Variants in ADGRL3 observed in about 807,000 individuals in gnomAD.
ADGRL3 encodes the protein adhesion G protein-coupled receptor L3, also known as calcium-independent alpha-latrotoxin receptor 3.
A neutral mutation model predicts 153.5 loss-of-function variants in ADGRL3; 62 were observed. That is an observed-to-expected ratio of 0.40 (90% confidence interval 0.33 to 0.50). The LOEUF (loss-of-function observed/expected upper bound fraction) is 0.50. Ranked by LOEUF, ADGRL3 falls within the 20% of genes least tolerant of loss-of-function variation. The pLI is 0.47. For synonymous variants in ADGRL3, 710 were observed against 672.5 expected (o/e 1.06, Z -0.86); for missense variants, 1,641 against 1,859.4 (o/e 0.88, Z 2.16).
At chr4:61,392,701 A>AGAAAAAAAAAG (rs2096825826) in intron 2 of ADGRL3, among the ~76,000 whole-genome samples, 1 of 146,290 alleles carries the variant, frequency 6.8e-6, no homozygotes, top group African/African-American at 2.5e-5. Flanking sequence ...AAAAAAAAAA[A>AGAAAAAAAAAG]AAAAAGAAAA....
At chr4:61,718,650 C>G (rs1008874264) in intron 6 of ADGRL3, among the ~76,000 whole-genome samples, 3 of 152,102 alleles carry the variant, frequency 2.0e-5, no homozygotes, top group African/African-American at 7.2e-5. Context: ...ATATCAATCA[C>G]TTTTTGTTGT....
chr4:61,902,545 A>T (rs918236597), intron 11 of ADGRL3, among the ~76,000 whole-genome samples: 3 of 152,028 alleles, frequency 2.0e-5, no homozygotes, highest in African/African-American at 4.8e-5. Context: ...GTAATTCCCC[A>T]AATCTTCATC....
intron 1 of ADGRL3, among the ~76,000 whole-genome samples, chr4:61,233,798 G>C (rs1166371561): frequency 2.6e-5 from 4 of 152,014 alleles, no homozygotes; most frequent in Admixed American, 2.6e-4. Flanking sequence ...GGGCCTTGAT[G>C]GACCTAACCA....
intron 9 of ADGRL3, 62 bp from the exon 10 acceptor site, chr4:61,892,594 G>A: frequency 8.6e-7 from 1 of 1,167,366 alleles, no homozygotes; most frequent in South Asian, 1.2e-5. Flanking sequence ...AAAGTACTAG[G>A]ACATCTTGAG....
intron 1 of ADGRL3, among the ~76,000 whole-genome samples, chr4:61,214,615 CAGTT>C (rs1741758520): frequency 6.6e-6 from 1 of 152,096 alleles, no homozygotes; most frequent in Non-Finnish European, 1.5e-5. Flanking sequence ...GGTGTAACCT[CAGTT>C]AGAGATCTGT....
rs1407094789 is a variant in ADGRL3, at chr4:62,070,542, G to A, written c.4266G>A (p.Arg1422=). ...ENHQPHHYTR[R]RIPQDHSESF... ...ACCAGCCACACCATTATACCAGAAG[G>A]CGGATCCCCCAAGACCACAGTGAGA... The change falls in exon 27 of 27, where the codon AGG becomes AGA. Residue 1422 remains arginine (R), a synonymous_variant. Coordinates refer to ENST00000683033, the MANE Select transcript of ADGRL3 (RefSeq NM_001387552.1). The A allele has an allele frequency of 1.3e-6, 2 of 1,548,512 alleles. No individual in the cohort carries two copies. The highest frequency in any genetic ancestry group is 1.7e-6 in the Non-Finnish European group (2 of 1,146,524).
At chr4:61,890,589 C>T (rs1376548873) in intron 9 of ADGRL3, among the ~76,000 whole-genome samples, 1 of 152,128 alleles carries the variant, frequency 6.6e-6, no homozygotes, top group African/African-American at 2.4e-5. Flanking sequence ...AACCCATTTC[C>T]AAGATACCTA....
intron 1 of ADGRL3, among the ~76,000 whole-genome samples, chr4:61,262,908 A>T (rs562410311): frequency 6.6e-6 from 1 of 152,246 alleles, no homozygotes; most frequent in Non-Finnish European, 1.5e-5. Flanking sequence ...ATCTTTAAAA[A>T]TGTTTCTGGA....
At chr4:61,782,211 G>A (rs1424524070) in intron 8 of ADGRL3, among the ~76,000 whole-genome samples, 3 of 152,062 alleles carry the variant, frequency 2.0e-5, no homozygotes, top group African/African-American at 7.2e-5. Flanking sequence ...AATGTGCACA[G>A]CTTATTCTAC....
At position 61,822,550 on chromosome 4, in the gene ADGRL3, A is replaced by G. The variant is rs116532753; in HGVS notation, c.1480+8661A>G. ...AATGCTAAAATGTATTTGTTATTCA[A>G]TATTGTCAGGAATAAGTATGAGGGT... On this transcript the variant is annotated intron_variant, in intron 9 of 26. Coordinates refer to ENST00000683033, the MANE Select transcript of ADGRL3 (RefSeq NM_001387552.1). 6.3e-3 allele frequency among the ~76,000 whole-genome samples: 960 copies of G among 152,332 alleles called. 9 individuals carry two copies. Among genetic ancestry groups the G allele is most frequent in the African/African-American group, 0.022 (916 of 41,576 alleles).
At chr4:61,571,810 C>T (rs890021765) in intron 4 of ADGRL3, among the ~76,000 whole-genome samples, 2 of 152,054 alleles carry the variant, frequency 1.3e-5, no homozygotes, top group Non-Finnish European at 2.9e-5. Context: ...AGTTATTATC[C>T]TCATTTACTA....
intron 2 of ADGRL3, among the ~76,000 whole-genome samples, chr4:61,397,829 A>G (rs1001533704): frequency 6.6e-6 from 1 of 151,928 alleles, no homozygotes; most frequent in Non-Finnish European, 1.5e-5. Flanking sequence ...TTTAAATGAA[A>G]ATCTCTATTT....
chr4:61,571,418 C>T (rs867514692), intron 4 of ADGRL3, among the ~76,000 whole-genome samples: 17 of 152,148 alleles, frequency 1.1e-4, no homozygotes, highest in South Asian at 4.2e-4. Context: ...GAGGCTGAGA[C>T]GAGAGGATCG....
intron 22 of ADGRL3, among the ~76,000 whole-genome samples, chr4:62,029,987 T>A (rs1164725187): frequency 6.6e-6 from 1 of 151,616 alleles, no homozygotes; most frequent in Non-Finnish European, 1.5e-5. Flanking sequence ...GTAATTCATA[T>A]AAGCAAACAT....
intron 9 of ADGRL3, among the ~76,000 whole-genome samples, chr4:61,855,996 A>G (rs1398845003): frequency 6.6e-6 from 1 of 152,208 alleles, no homozygotes. Flanking sequence ...AGGTGAGTCC[A>G]GAACTTAAAC....
intron 9 of ADGRL3, among the ~76,000 whole-genome samples, chr4:61,829,493 A>C (rs946898912): frequency 6.6e-6 from 1 of 152,210 alleles, no homozygotes; most frequent in Admixed American, 6.5e-5. Flanking sequence ...TAATGCCCGT[A>C]TCTGTTTAAA....
At chr4:61,974,220 C>T (rs779015568) in intron 17 of ADGRL3, among the ~76,000 whole-genome samples, 2 of 152,108 alleles carry the variant, frequency 1.3e-5, no homozygotes, top group Non-Finnish European at 1.5e-5. Flanking sequence ...CCACCTGCCT[C>T]GGCCTCCCAA....
At chr4:61,654,726 AT>A (rs1366732030) in intron 5 of ADGRL3, among the ~76,000 whole-genome samples, 1 of 151,854 alleles carries the variant, frequency 6.6e-6, no homozygotes, top group Non-Finnish European at 1.5e-5. Flanking sequence ...GTGAAACCCC[AT>A]CTCTACTAAA....
intron 5 of ADGRL3, among the ~76,000 whole-genome samples, chr4:61,644,901 T>G (rs2093890857): frequency 6.6e-6 from 1 of 151,864 alleles, no homozygotes; most frequent in Admixed American, 6.6e-5. Flanking sequence ...AGTCTCCCAT[T>G]ATTAATGTGT....
Sources: gnomAD v4.1 joint callset for allele counts (sites outside exome capture counted in the v4.1 genomes callset) on GRCh38, gnomAD v4.1.1 for gene constraint, MANE v1.5 for transcripts, NCBI Gene and HGNC (gene_info 2026-07-23, HGNC 2026-07-21) for gene names.